The following GCN1 variants were observed in gnomAD, a reference collection of about 807,000 sequenced individuals.
GCN1 encodes GCN1 activator of EIF2AK4.
GCN1 carries 90 observed loss-of-function variants against 288.4 expected under a neutral mutation model. The observed-to-expected ratio is 0.31, with a 90% CI of 0.26 to 0.37. The LOEUF (loss-of-function observed/expected upper bound fraction) is 0.37, where lower values mean the gene tolerates loss of function less well. Among genes scored for constraint, GCN1 ranks in the 10% least tolerant of loss-of-function variants. The pLI is 1.00. For synonymous variants in GCN1, 1,386 were observed against 1,420.2 expected, an observed-to-expected ratio of 0.98 and a Z score of 0.54; for missense variants, 2,586 against 3,419.9, an observed-to-expected ratio of 0.76 and a Z score of 6.08.
At position 120,137,403 on chromosome 12, in the gene GCN1, G is replaced by T; in HGVS notation, c.6664-84C>A. ...GAATATATGGGGAAAGCGTGGGCGG[G>T]AGTATAAACAAGACTTGCCACGAGT... On this transcript the variant is annotated intron_variant, in intron 49 of 57. Coordinates refer to ENST00000300648, the MANE Select transcript of GCN1 (RefSeq NM_006836.2). This position sits in a 1 kb window ranked among gnomAD's most constrained non-coding sequence, Gnocchi z 5.2. 38 of 1,411,020 alleles carry T rather than the reference G, an allele frequency of 2.7e-5. No homozygotes were observed. The highest frequency in any genetic ancestry group is 3.8e-5 in the Non-Finnish European group (38 of 999,716). The allele number at this position is 1,411,020 out of a possible 1,614,324, so 87.4% of individuals were successfully genotyped here.
At position 120,137,125 on chromosome 12, in the gene GCN1, G is replaced by T; in HGVS notation, c.6777+81C>A. ...GGCTACTGCTCCAGCAGCCCCTACC[G>T]CAGACCTGGGACAGGGGTAAGGGCC... is the stretch of plus-strand genomic sequence containing the variant. On this transcript the variant is annotated intron_variant, in intron 50 of 57. Transcript: ENST00000300648. The surrounding 1 kb of genome is among the most constrained non-coding windows in gnomAD (Gnocchi z 5.2). 1 of 983,602 alleles carries T rather than the reference G, an allele frequency of 1.0e-6. No homozygotes were observed. The highest frequency in any genetic ancestry group is 1.6e-6 in the Non-Finnish European group (1 of 613,842). The allele number at this position is 983,602 out of a possible 1,614,324, so 60.9% of individuals were successfully genotyped here.
At chr12:120,157,671 A>C (rs1877792655) in intron 26 of GCN1, among the ~76,000 whole-genome samples, 178 bp downstream of exon 26, 1 of 152,246 alleles carries the variant, frequency 6.6e-6, no homozygotes, top group South Asian at 2.1e-4. Flanking sequence ...CACATGAAAG[A>C]AGCAGTCTGA....
intron 9 of GCN1, 119 bp from the exon 10 acceptor site, chr12:120,176,336 A>G: frequency 2.9e-6 from 2 of 679,038 alleles, no homozygotes; most frequent in Non-Finnish European, 5.3e-6. Flanking sequence ...TCATCTCTAC[A>G]GGCTACATGA....
intron 31 of GCN1, among the ~76,000 whole-genome samples, chr12:120,154,180 A>G (rs934638817): frequency 6.6e-6 from 1 of 152,202 alleles, no homozygotes; most frequent in African/African-American, 2.4e-5. Context: ...TGTGAGTGCA[A>G]TGCTCACCCC....
chr12:120,177,788 T>A, intron 7 of GCN1, 36 bp from the exon 8 acceptor site: 6 of 1,421,524 alleles, frequency 4.2e-6, no homozygotes, highest in Non-Finnish European at 6.0e-6. Flanking sequence ...ATCCTGACAT[T>A]CTCAAGTATC....
rs142030191 is a variant in GCN1, at chr12:120,180,717, G to A, written c.427-1767C>T. Among the ~76,000 whole-genome samples, 999 of 148,824 alleles carry A rather than the reference G, an allele frequency of 6.7e-3. 23 individuals are homozygous for A. Among genetic ancestry groups the A allele is most frequent in the African/African-American group, 0.024 (954 of 40,498 alleles). On this transcript the variant is annotated intron_variant, in intron 5 of 57. Transcript: ENST00000300648. ...AACAGATATGCTTGTGGCCGGGCGC[G>A]GTGGCTCACGCCTGTAATCCCAGCA...
Position 120,134,231 on chromosome 12 carries a change from T to G in GCN1, c.7317+60A>C, listed in dbSNP as rs1876921827. The G allele has an allele frequency of 8.9e-7, 1 of 1,126,910 alleles. No individual in the cohort carries two copies. 69.8% of individuals were successfully genotyped at this position (1,126,910 alleles called of 1,614,324 possible). A position where few individuals can be genotyped will look rare whatever the true frequency, so the allele number is the denominator to read the frequency against. On this transcript the variant is annotated intron_variant, in intron 53 of 57. Coordinates refer to ENST00000300648, the MANE Select transcript of GCN1 (RefSeq NM_006836.2). This position sits in a 1 kb window ranked among gnomAD's most constrained non-coding sequence, Gnocchi z 5.0. ...CTAACACAAAGTGAAGAACTCAACC[T>G]AAGGAGGAGGAGGGAAACCAGTGGT...
chr12:120,168,972 G>A (rs1433114316), intron 15 of GCN1, among the ~76,000 whole-genome samples: 1 of 152,140 alleles, frequency 6.6e-6, no homozygotes, highest in Non-Finnish European at 1.5e-5. Context: ...AAGTTCAGGT[G>A]TGTCCCAGTG....
chr12:120,164,862 CTTG>C (rs888343785), intron 16 of GCN1, 141 bp from the exon 17 acceptor site: 14 of 491,128 alleles, frequency 2.9e-5, no homozygotes, highest in East Asian at 7.2e-5. Context: ...GAAATTACAG[CTTG>C]TTTTTTTTTT....
Position 120,142,804 on chromosome 12 carries a change from A to G in GCN1, c.5613+20T>C. On this transcript the variant is annotated intron_variant, in intron 43 of 57. Coordinates refer to ENST00000300648, the MANE Select transcript of GCN1 (RefSeq NM_006836.2). This position sits in a 1 kb window ranked among gnomAD's most constrained non-coding sequence, Gnocchi z 4.9. ...GGCACACCCTACCATCAGCAGGGGC[A>G]GGAAAGCCACTGCAGGCACCTTGTT... 6.3e-7 allele frequency: 1 copy of G among 1,590,966 alleles called. No homozygotes were observed.
intron 33 of GCN1, 23 bp from the exon 34 acceptor site, chr12:120,151,414 A>T: frequency 6.2e-7 from 1 of 1,611,490 alleles, no homozygotes; most frequent in East Asian, 2.2e-5. Context: ...CCACCTGTCA[A>T]TGCTGTGGCT....
At chr12:120,177,848 C>G in intron 7 of GCN1, 96 bp from the exon 8 acceptor site, 1 of 871,086 alleles carries the variant, frequency 1.1e-6, no homozygotes, top group Non-Finnish European at 1.9e-6. Flanking sequence ...CCAAAAAATA[C>G]AAATCAATGC....
At chr12:120,164,571 A>C in intron 17 of GCN1, 75 bp downstream of exon 17, 5 of 1,596,630 alleles carry the variant, frequency 3.1e-6, no homozygotes, top group Non-Finnish European at 4.3e-6. Flanking sequence ...TCCACCTGCC[A>C]CACACCCTTT....
At position 120,153,090 on chromosome 12, in the gene GCN1, TA is replaced by T; in HGVS notation, c.4062+122del. ...TCCCCTGCGAGAGGGGGTGAATCCT[TA>T]ACAAGAACTGGGCTTTCAGGGCCCT... is the stretch of plus-strand genomic sequence containing the variant. On this transcript the variant is annotated intron_variant, in intron 33 of 57. Coordinates refer to ENST00000300648, the MANE Select transcript of GCN1 (RefSeq NM_006836.2). The surrounding 1 kb of genome is among the most constrained non-coding windows in gnomAD (Gnocchi z 4.4). 1.3e-6 allele frequency: 1 copy of T among 752,328 alleles called. No homozygotes were observed. Among genetic ancestry groups the T allele is most frequent in the Non-Finnish European group, 2.2e-6 (1 of 458,998 alleles). The allele number at this position is 752,328 out of a possible 1,614,324, so 46.6% of individuals were successfully genotyped here.
At chr12:120,173,625 TG>T in intron 14 of GCN1, 27 bp downstream of exon 14, 2 of 1,445,966 alleles carry the variant, frequency 1.4e-6, no homozygotes, top group Non-Finnish European at 1.9e-6. Flanking sequence ...CAAGGAGACC[TG>T]GACACTAGCC....
At chr12:120,164,990 TATACACATATATACAC>T (rs924127818) in intron 16 of GCN1, among the ~76,000 whole-genome samples, 1 of 128,600 alleles carries the variant, frequency 7.8e-6, no homozygotes, top group Admixed American at 8.9e-5. Context: ...CATATACATA[TATACACATATATACAC>T]ACACACACAC....
At chr12:120,188,161 T>C (rs565262422) in intron 2 of GCN1, among the ~76,000 whole-genome samples, 1 of 152,200 alleles carries the variant, frequency 6.6e-6, no homozygotes, top group African/African-American at 2.4e-5. Flanking sequence ...AGGCTGGGCA[T>C]GGTGGCTGAC....
In GCN1 at chr12:120,155,025, G is replaced by A. The variant is rs1375257844; in HGVS notation, c.3646C>T (p.Leu1216=). Reference sequence around the variant, plus strand: ...GAAATAACTCGTCCCAAAGCATCCAGCACTGGGGGCGGCCGCTGCAACAGA... The same window carrying A: ...GAAATAACTCGTCCCAAAGCATCCAACACTGGGGGCGGCCGCTGCAACAGA... The part of the protein sequence containing the change: ...QEKLYRPPPV[L]DALGRVISES... The change falls in exon 31 of 58, where the codon CTG becomes TTG. Residue 1216 remains leucine, a synonymous_variant. Transcript: ENST00000300648. The surrounding 1 kb of genome is among the most constrained non-coding windows in gnomAD (Gnocchi z 4.9). 34 of 1,613,682 alleles carry A rather than the reference G, an allele frequency of 2.1e-5. No individual in the cohort carries two copies. The highest frequency in any genetic ancestry group is 2.9e-5 in the Non-Finnish European group (34 of 1,179,676).
chr12:120,161,375 G>C (rs1594275461), intron 22 of GCN1, 115 bp downstream of exon 22: 1 of 709,406 alleles, frequency 1.4e-6, no homozygotes, highest in East Asian at 2.5e-5. Context: ...TCAGAGGAGT[G>C]TGCCATGGGC....
Sources: gnomAD v4.1 joint callset for allele counts (sites outside exome capture counted in the v4.1 genomes callset) on GRCh38, gnomAD v4.1.1 for gene constraint, Gnocchi (gnomAD v3.1) non-coding constraint, MANE v1.5 for transcripts, NCBI Gene and HGNC (gene_info 2026-07-23, HGNC 2026-07-21) for gene names.